Variants in HTR2C observed in about 807,000 individuals in gnomAD.
HTR2C encodes 5-hydroxytryptamine (serotonin) receptor 2C, G protein-coupled.
In HTR2C, 5 loss-of-function variants were observed where a neutral mutation model predicts 21.0. The ratio of observed to expected loss-of-function variants is 0.24; its 90% confidence interval spans 0.12 to 0.50. The LOEUF (loss-of-function observed/expected upper bound fraction) is 0.50, where lower values mean the gene tolerates loss of function less well. HTR2C is among the 20% of genes least tolerant of loss of function. The pLI, the probability that HTR2C is intolerant of heterozygous loss-of-function variation, is 0.98. For missense variants in HTR2C, 271 were observed against 371.2 expected (o/e 0.73, Z 2.22); for synonymous variants, 150 against 145.3 (o/e 1.03, Z -0.23).
intron 5 of HTR2C, among the ~76,000 whole-genome samples, chrX:114,899,444 G>A (rs1173735791): frequency 9.0e-6 from 1 of 111,391 alleles, no homozygotes; most frequent in Non-Finnish European, 1.9e-5. Context: ...CTGGGTCTCT[G>A]TGTGTGCCTG....
rs1274393262 is a variant in HTR2C, at chrX:114,705,479, T to C, written c.-79-21379T>C. Among the ~76,000 whole-genome samples the C allele has an allele frequency of 2.8e-5, 3 of 107,942 alleles. 1 individual carries two copies. Among genetic ancestry groups the C allele is most frequent in the Admixed American group, 2.0e-4 (2 of 9,902 alleles). The allele number at this position is 107,942 out of a possible 115,157, so 93.7% of individuals were successfully genotyped here. ...GGGAAAGGATTCCCTATTTAATAAA[T>C]GGTGCTGGGAAAACTGGCTAGCCAT... On this transcript the variant is annotated intron_variant, in intron 2 of 5. Coordinates refer to ENST00000276198, the MANE Select transcript of HTR2C (RefSeq NM_000868.4).
chrX:114,805,571 C>CATACCATATATAT (rs1556448497), intron 4 of HTR2C, among the ~76,000 whole-genome samples: 1 of 11,644 alleles, frequency 8.6e-5, no homozygotes, highest in Admixed American at 2.0e-3. Flanking sequence ...CATATAGATA[C>CATACCATATATAT]ACACCATATA....
intron 4 of HTR2C, among the ~76,000 whole-genome samples, chrX:114,789,739 T>C (rs782160435): frequency 5.4e-5 from 6 of 111,280 alleles, no homozygotes; most frequent in Non-Finnish European, 1.1e-4. Flanking sequence ...CCAAGGACTC[T>C]CATAAACTCA....
chrX:114,736,871 A>C (rs1278078673), intron 4 of HTR2C, among the ~76,000 whole-genome samples: 4 of 111,972 alleles, frequency 3.6e-5, no homozygotes, highest in Admixed American at 9.5e-5. Flanking sequence ...GGAACCATAA[A>C]TTTTAAACAG....
At chrX:114,715,066 A>G (rs782024636) in intron 2 of HTR2C, among the ~76,000 whole-genome samples, 3 of 112,355 alleles carry the variant, frequency 2.7e-5, no homozygotes, top group African/African-American at 9.7e-5. Flanking sequence ...TATGAGTTGT[A>G]TACATTTTAT....
At chrX:114,614,737 C>T (rs1174894809) in intron 2 of HTR2C, among the ~76,000 whole-genome samples, 2 of 111,679 alleles carry the variant, frequency 1.8e-5, no homozygotes, top group Non-Finnish European at 3.8e-5. Context: ...AAGGGAGTAT[C>T]ATTTATAAAT....
intron 4 of HTR2C, among the ~76,000 whole-genome samples, chrX:114,750,433 ATATAT>A (rs1338713874): frequency 8.9e-6 from 1 of 112,295 alleles, no homozygotes; most frequent in African/African-American, 3.2e-5. Context: ...TTACATAAAG[ATATAT>A]TATTCAGCTG....
At chrX:114,776,102 T>A (rs2070054249) in intron 4 of HTR2C, 1 of 483,012 alleles carries the variant, frequency 2.1e-6, no homozygotes, top group African/African-American at 2.3e-5. Context: ...TTCACCCAAG[T>A]GGATGTCTCC....
rs782284295 is a variant in HTR2C at position 114,636,189 on chromosome X, G to A, written c.-80+22308G>A. 1.7e-4 allele frequency among the ~76,000 whole-genome samples: 18 copies of A among 108,967 alleles called. No individual in the cohort carries two copies. The Admixed American group carries it at 1.8e-3, about 11-fold the overall frequency. 94.6% of individuals were successfully genotyped at this position (108,967 alleles called of 115,157 possible). ...CTAATCACCTAACAGGAAAGGTCAT[G>A]CTCCCTGGAGTGGAGTTATGGTACT... On this transcript the variant is annotated intron_variant, in intron 2 of 5. Coordinates refer to ENST00000276198, the MANE Select transcript of HTR2C (RefSeq NM_000868.4).
intron 4 of HTR2C, among the ~76,000 whole-genome samples, chrX:114,813,706 A>G (rs1208341546): frequency 9.0e-6 from 1 of 111,141 alleles, no homozygotes; most frequent in African/African-American, 3.3e-5. Context: ...GTCATTTGAG[A>G]AGAGCTTCTT....
rs1268840695 is a variant in HTR2C at position 114,722,101 on chromosome X, C to A, written c.-79-4757C>A. 3.6e-5 allele frequency among the ~76,000 whole-genome samples: 4 copies of A among 109,892 alleles called. No individual in the cohort carries two copies. In the East Asian group the frequency reaches 1.1e-3, roughly 31 times the overall value. On this transcript the variant is annotated intron_variant, in intron 2 of 5. Coordinates refer to ENST00000276198, the MANE Select transcript of HTR2C (RefSeq NM_000868.4). Reference sequence around the variant, plus strand: ...GGGATGGCATTGAATCTGTAAATTACCTTGGGCAGTATGGCCATTTTCACG... The same window carrying A: ...GGGATGGCATTGAATCTGTAAATTAACTTGGGCAGTATGGCCATTTTCACG...
At chrX:114,866,965 G>C (rs782185751) in intron 5 of HTR2C, among the ~76,000 whole-genome samples, 1 of 111,749 alleles carries the variant, frequency 8.9e-6, no homozygotes, top group Non-Finnish European at 1.9e-5. Context: ...CAAAAACATA[G>C]AAGTGAAGAT....
At chrX:114,698,439 AACAC>A (rs1238584989) in intron 2 of HTR2C, among the ~76,000 whole-genome samples, 6 of 43,008 alleles carry the variant, frequency 1.4e-4, no homozygotes, top group South Asian at 3.6e-3. Context: ...CACAGGCACA[AACAC>A]ACACACACAC....
intron 2 of HTR2C, among the ~76,000 whole-genome samples, chrX:114,639,766 G>A (rs1480019948): frequency 8.9e-6 from 1 of 111,812 alleles, no homozygotes. Context: ...TACTCCATTG[G>A]CAAAAATAAA....
intron 2 of HTR2C, among the ~76,000 whole-genome samples, chrX:114,692,631 A>G (rs1233193662): frequency 1.8e-5 from 2 of 110,962 alleles, no homozygotes; most frequent in South Asian, 3.7e-4. Context: ...ATTTGAATAT[A>G]CTATAAACTT....
At chrX:114,878,337 G>C (rs918692418) in intron 5 of HTR2C, among the ~76,000 whole-genome samples, 1 of 110,189 alleles carries the variant, frequency 9.1e-6, no homozygotes. Context: ...TATACCCGTA[G>C]TATAATTATC....
intron 4 of HTR2C, among the ~76,000 whole-genome samples, chrX:114,828,013 C>T (rs781849211): frequency 1.8e-5 from 2 of 110,276 alleles, no homozygotes; most frequent in Admixed American, 1.9e-4. Flanking sequence ...TGTTTTGGAC[C>T]ATTATTTCTT....
chrX:114,793,534 T>C (rs955945264), intron 4 of HTR2C, among the ~76,000 whole-genome samples: 1 of 111,739 alleles, frequency 8.9e-6, no homozygotes, highest in African/African-American at 3.2e-5. Flanking sequence ...AATCTTTTCA[T>C]TACATTTATT....
At chrX:114,879,846 G>T (rs2071166740) in intron 5 of HTR2C, among the ~76,000 whole-genome samples, 1 of 110,529 alleles carries the variant, frequency 9.0e-6, no homozygotes, top group African/African-American at 3.3e-5. Flanking sequence ...TGATTAATGG[G>T]AATTTGGGCT....
Sources: gnomAD v4.1 joint callset for allele counts (sites outside exome capture counted in the v4.1 genomes callset) on GRCh38, gnomAD v4.1.1 for gene constraint, MANE v1.5 for transcripts, NCBI Gene and HGNC (gene_info 2026-07-23, HGNC 2026-07-21) for gene names.